The following INO80 variants were observed in gnomAD, a reference collection of about 807,000 sequenced individuals.
The protein encoded by INO80 is chromatin-remodeling ATPase INO80.
In INO80, 20 loss-of-function variants were observed where a neutral mutation model predicts 203.4. The ratio of observed to expected loss-of-function variants is 0.10; its 90% CI spans 0.07 to 0.14. The LOEUF (loss-of-function observed/expected upper bound fraction) is 0.14, where lower values mean the gene tolerates loss of function less well. INO80 is among the 10% of genes least tolerant of loss of function. The pLI is 1.00. For missense variants in INO80, 1,419 were observed against 1,914.4 expected (o/e 0.74, Z 4.83); for synonymous variants, 726 against 685.2 (o/e 1.06, Z -0.93).
At chr15:41,002,864 G>C (rs2043977836) in intron 28 of INO80, among the ~76,000 whole-genome samples, 1 of 152,210 alleles carries the variant, frequency 6.6e-6, no homozygotes, top group African/African-American at 2.4e-5. Flanking sequence ...CAGCATTCTG[G>C]GAGGCCGAGG....
chr15:41,049,998 G>A lies in INO80; in HGVS notation c.2379C>T (p.Gly793=). 1 of 1,614,132 alleles carries A rather than the reference G, an allele frequency of 6.2e-7. No homozygotes were observed. The highest frequency in any genetic ancestry group is 2.2e-5 in the East Asian group (1 of 44,888). Residue 793 remains glycine, a synonymous_variant, in exon 20 of 36, where the codon GGC becomes GGT. Coordinates refer to ENST00000648947, the MANE Select transcript of INO80 (RefSeq NM_017553.3). ...SIEDLLQSSM[G]STQQAQNTTS... ...TGGTGTTCTGTGCTTGTTGGGTAGAGCCCATAGAAGACTGCAATAAATCCT... is the reference window on the plus strand; with the variant it reads ...TGGTGTTCTGTGCTTGTTGGGTAGAACCCATAGAAGACTGCAATAAATCCT...
At chr15:41,080,935 G>T in intron 8 of INO80, 85 bp downstream of exon 8, 1 of 838,230 alleles carries the variant, frequency 1.2e-6, no homozygotes, top group Non-Finnish European at 2.1e-6. Context: ...AGGTTACGAC[G>T]GACAAGAGCA....
chr15:41,032,382 G>A (rs1784482622), intron 24 of INO80, among the ~76,000 whole-genome samples: 1 of 152,046 alleles, frequency 6.6e-6, no homozygotes, highest in African/African-American at 2.4e-5. Flanking sequence ...GATATTTTAA[G>A]CATCCAAACA....
At position 40,978,942 on chromosome 15, in the gene INO80, G is replaced by C. The variant is rs1445232483; in HGVS notation, c.*1281C>G. The stretch of plus-strand genomic sequence containing the variant: ...TTTTTTATCCAGTTAGTAAAAGGAA[G>C]ATGTGTCTCTCTTTATACATATGTA... On this transcript the variant is annotated 3_prime_UTR_variant, in exon 36 of 36. Coordinates refer to ENST00000648947, the MANE Select transcript of INO80 (RefSeq NM_017553.3). The C allele has an allele frequency of 6.6e-6, 1 of 152,586 alleles. No homozygotes were observed. Among genetic ancestry groups the C allele is most frequent in the South Asian group, 2.1e-4 (1 of 4,830 alleles). 9.5% of individuals were successfully genotyped at this position (152,586 alleles called of 1,614,324 possible).
In INO80 at chr15:40,984,293, G is replaced by A; in HGVS notation, c.3981C>T (p.Ile1327=). 1 of 1,614,080 alleles carries A rather than the reference G, an allele frequency of 6.2e-7. No homozygotes were observed. The highest frequency in any genetic ancestry group is 2.2e-5 in the East Asian group (1 of 44,878). ...AGTTATCAGCCGAGGGAACAAATGG[G>A]ATCACCAGGTTCACACCCTCTTTTC... ...KRRKEGVNLV[I]PFVPSADNSN... is the part of the protein sequence containing the mutation. The change falls in exon 33 of 36, where the codon ATC becomes ATT. Residue 1327 remains isoleucine (I), a synonymous_variant. Transcript: ENST00000648947.
intron 29 of INO80, among the ~76,000 whole-genome samples, chr15:40,992,893 A>G (rs1477947846): frequency 1.3e-5 from 2 of 152,186 alleles, no homozygotes; most frequent in Non-Finnish European, 1.5e-5. Context: ...TCTGGGCCCA[A>G]GCAAACCTCC....
intron 21 of INO80, among the ~76,000 whole-genome samples, chr15:41,048,932 C>G (rs1418064543): frequency 6.6e-6 from 1 of 152,214 alleles, no homozygotes; most frequent in Non-Finnish European, 1.5e-5. Flanking sequence ...GATTAACTTA[C>G]AATACAATCA....
intron 18 of INO80, among the ~76,000 whole-genome samples, chr15:41,054,733 G>A (rs554981589): frequency 6.6e-6 from 1 of 152,240 alleles, no homozygotes; most frequent in African/African-American, 2.4e-5. Flanking sequence ...CCATCTCCTG[G>A]GTTCAAGCGA....
chr15:41,010,295 T>C (rs185490097), intron 27 of INO80, among the ~76,000 whole-genome samples: 3 of 152,332 alleles, frequency 2.0e-5, no homozygotes, highest in Non-Finnish European at 4.4e-5. Flanking sequence ...TAGGTGCTAT[T>C]AAATATTTTT....
chr15:41,103,324 C>A (rs2045835916), intron 1 of INO80, among the ~76,000 whole-genome samples: 1 of 152,154 alleles, frequency 6.6e-6, no homozygotes, highest in Admixed American at 6.6e-5. Flanking sequence ...TTTCCCACCT[C>A]CAGGTTCTTC....
rs1251523023 is a variant in INO80 at position 41,116,082 on chromosome 15, C to CTA, written c.-154_-153insTA. The CTA allele has an allele frequency of 2.5e-6, 1 of 396,678 alleles. No individual in the cohort carries two copies. The highest frequency in any genetic ancestry group is 1.3e-4 in the South Asian group (1 of 7,850). 24.6% of individuals were successfully genotyped at this position (396,678 alleles called of 1,614,324 possible). A position where few individuals can be genotyped will look rare whatever the true frequency, so the allele number is the denominator to read the frequency against. On this transcript the variant is annotated 5_prime_UTR_variant, in exon 1 of 36. The change creates a premature stop within an existing upstream ORF in the 5' untranslated region. Coordinates refer to ENST00000648947, the MANE Select transcript of INO80 (RefSeq NM_017553.3). ...CGACGGTGGAGCCGCGGTTCGCTCT[C>CTA]TGAGGCCGTGGGACGGTGACTGCGT... is the stretch of plus-strand genomic sequence containing the variant.
chr15:41,112,138 G>C (rs561139226), intron 1 of INO80, among the ~76,000 whole-genome samples: 3 of 152,108 alleles, frequency 2.0e-5, no homozygotes, highest in African/African-American at 7.2e-5. Context: ...TCAAGCTCAC[G>C]TGATCCTCCC....
chr15:41,106,124 T>G (rs2045876846), intron 1 of INO80, among the ~76,000 whole-genome samples: 4 of 151,990 alleles, frequency 2.6e-5, no homozygotes, highest in Admixed American at 2.6e-4. Flanking sequence ...CCAACCGCAG[T>G]GACTCATGCC....
chr15:41,006,006 T>C (rs1025621933), intron 27 of INO80, among the ~76,000 whole-genome samples: 1 of 149,228 alleles, frequency 6.7e-6, no homozygotes. Flanking sequence ...AGTTTTTCAG[T>C]CATCAACCAG....
At chr15:41,087,437 A>T (rs1241341816) in intron 6 of INO80, 125 bp downstream of exon 6, 5 of 1,021,466 alleles carry the variant, frequency 4.9e-6, no homozygotes, top group Middle Eastern at 3.2e-4. Flanking sequence ...TAGAAAGGAG[A>T]GTTTTTCAGA....
chr15:41,023,939 ACT>A (rs1382166206), intron 25 of INO80, among the ~76,000 whole-genome samples: 1 of 151,962 alleles, frequency 6.6e-6, no homozygotes, highest in African/African-American at 2.4e-5. Context: ...ATACATAAAG[ACT>A]CTGGGCTCAT....
chr15:41,044,950 T>C lies in INO80; in HGVS notation c.2861A>G (p.Asn954Ser), dbSNP rs1197432629. Residue 954 changes from asparagine to serine, a missense_variant, in exon 24 of 36, where the codon AAT becomes AGT. Coordinates refer to ENST00000648947, the MANE Select transcript of INO80 (RefSeq NM_017553.3). ...AAGGTTTGGAAAGGAGAGTGGAAAA[T>C]TAACCCCAAGAAGGAAATCCTTGTT... is the stretch of plus-strand genomic sequence containing the variant. ...LRNKDFLLGV[N>S]FPLSFPNLCS... 4 of 1,613,638 alleles carry C rather than the reference T, an allele frequency of 2.5e-6. No homozygotes were observed. The African/African-American group carries it at 4.0e-5, about 16-fold the overall frequency.
At chr15:41,029,040 G>C (rs1279288821) in intron 24 of INO80, among the ~76,000 whole-genome samples, 5 of 152,168 alleles carry the variant, frequency 3.3e-5, no homozygotes, top group South Asian at 4.1e-4. Flanking sequence ...CTTTGGATCT[G>C]CATTCTTATT....
chr15:41,067,102 A>G lies in INO80; in HGVS notation c.1782+2468T>C, dbSNP rs181338657. 3.9e-5 allele frequency among the ~76,000 whole-genome samples: 6 copies of G among 152,200 alleles called. No homozygotes were observed. The East Asian group carries it at 1.2e-3, about 29-fold the overall frequency. Reference sequence around the variant, plus strand: ...TTTTTCTTTTTTCTTTTTGAGACGGATTCTCACTCTGTCGCCCAGGCTGGA... The same window carrying G: ...TTTTTCTTTTTTCTTTTTGAGACGGGTTCTCACTCTGTCGCCCAGGCTGGA... On this transcript the variant is annotated intron_variant, in intron 14 of 35. Coordinates refer to ENST00000648947, the MANE Select transcript of INO80 (RefSeq NM_017553.3).
Sources: gnomAD v4.1 joint callset for allele counts (sites outside exome capture counted in the v4.1 genomes callset) on GRCh38, gnomAD v4.1.1 for gene constraint, MANE v1.5 for transcripts, NCBI Gene and HGNC (gene_info 2026-07-23, HGNC 2026-07-21) for gene names.